SDK1: variants seen among roughly 807,000 people sequenced by gnomAD.
SDK1 encodes protein sidekick-1.
SDK1 carries 157 observed loss-of-function variants against 245.5 expected under a neutral mutation model. The observed-to-expected ratio is 0.64, with a 90% confidence interval of 0.56 to 0.73. The LOEUF (loss-of-function observed/expected upper bound fraction) is 0.73. SDK1 is among the 30% of genes least tolerant of loss of function. SDK1 has a pLI of 0.00. For synonymous variants in SDK1, 1,647 were observed against 1,278.5 expected, an observed-to-expected ratio of 1.29 and a Z score of -6.15; for missense variants, 3,583 against 3,002.3, an observed-to-expected ratio of 1.19 and a Z score of -4.52.
chr7:3,447,495 G>A (rs774913218), intron 1 of SDK1, among the ~76,000 whole-genome samples: 4 of 151,984 alleles, frequency 2.6e-5, no homozygotes, highest in Admixed American at 6.6e-5. Context: ...TGGACCATTC[G>A]CTAAGTTGCC....
chr7:3,782,981 T>C lies in SDK1; in HGVS notation c.714-38469T>C, dbSNP rs561460006. ...AGATGCAGATTTCTCAACAAAATAC[T>C]AACAAACTGAATTCAACAACACATT... On this transcript the variant is annotated intron_variant, in intron 4 of 44. Transcript: ENST00000404826. 3.9e-5 allele frequency among the ~76,000 whole-genome samples: 6 copies of C among 152,282 alleles called. No homozygotes were observed. The South Asian group carries it at 1.2e-3, about 32-fold the overall frequency.
chr7:4,027,075 A>G (rs1377684480), intron 17 of SDK1, among the ~76,000 whole-genome samples: 2 of 152,220 alleles, frequency 1.3e-5, no homozygotes, highest in Non-Finnish European at 2.9e-5. Context: ...TGCTTCTTGC[A>G]TCGTGGGGTA....
In SDK1 at chr7:4,049,379, G is replaced by A. The variant is rs139642198; in HGVS notation, c.2634G>A (p.Thr878=). 2.1e-3 allele frequency: 3,333 copies of A among 1,614,088 alleles called. 7 individuals carry two copies. Among genetic ancestry groups the A allele is most frequent in the Middle Eastern group, 3.5e-3 (21 of 6,062 alleles). The change falls in exon 18 of 45, where the codon ACG becomes ACA. Residue 878 remains threonine, a synonymous_variant. Transcript: ENST00000404826. The part of the protein sequence containing the change: ...VPTAPPQNVQ[T]EAVNSTTIQF... ...CCGCGCCCCCGCAGAACGTGCAGAC[G>A]GAAGCCGTGAACTCCACCACCATTC... is the stretch of plus-strand genomic sequence containing the variant.
intron 9 of SDK1, among the ~76,000 whole-genome samples, chr7:3,965,256 AG>A (rs1437127787): frequency 6.6e-6 from 1 of 152,076 alleles, no homozygotes; most frequent in East Asian, 1.9e-4. Context: ...TTCCAGTGAG[AG>A]ACTTAGGAAT....
chr7:4,227,939 A>G (rs1334140905), intron 40 of SDK1, among the ~76,000 whole-genome samples: 2 of 152,206 alleles, frequency 1.3e-5, no homozygotes, highest in East Asian at 3.9e-4. Flanking sequence ...TCGGCTGGAG[A>G]CAAGCATGGA....
intron 1 of SDK1, among the ~76,000 whole-genome samples, chr7:3,504,711 T>C (rs55936101): frequency 0.1 from 15,704 of 151,370 alleles, 1,171 homozygotes; most frequent in African/African-American, 0.21. Context: ...AACATTGGAG[T>C]AAATCTTCAT....
At chr7:3,939,424 G>C (rs553708615) in intron 5 of SDK1, among the ~76,000 whole-genome samples, 2 of 152,244 alleles carry the variant, frequency 1.3e-5, no homozygotes, top group Non-Finnish European at 2.9e-5. Flanking sequence ...GAAGGTGAAC[G>C]TGTGGAAGGT....
chr7:4,032,747 AAAG>A (rs1282115782), intron 17 of SDK1, among the ~76,000 whole-genome samples: 3 of 152,244 alleles, frequency 2.0e-5, no homozygotes, highest in African/African-American at 7.2e-5. Context: ...TTAGAAAAGA[AAAG>A]AAAGCTGGGG....
intron 4 of SDK1, among the ~76,000 whole-genome samples, chr7:3,750,260 A>T (rs1416625075): frequency 1.3e-5 from 2 of 152,242 alleles, no homozygotes; most frequent in Non-Finnish European, 2.9e-5. Context: ...TTTGGAGAAC[A>T]AGGACTGGGA....
At chr7:3,958,513 A>G (rs1393233291) in intron 7 of SDK1, among the ~76,000 whole-genome samples, 1 of 152,196 alleles carries the variant, frequency 6.6e-6, no homozygotes, top group East Asian at 1.9e-4. Context: ...AAATATGTTA[A>G]TAGGCTGTTG....
chr7:3,631,524 A>G (rs1161020604), intron 2 of SDK1, among the ~76,000 whole-genome samples: 3 of 152,214 alleles, frequency 2.0e-5, no homozygotes, highest in Non-Finnish European at 4.4e-5. Flanking sequence ...TTTCAACAGC[A>G]AGGACAGCAG....
At chr7:3,720,971 T>C (rs758703232) in intron 4 of SDK1, among the ~76,000 whole-genome samples, 2 of 152,242 alleles carry the variant, frequency 1.3e-5, no homozygotes, top group African/African-American at 4.8e-5. Context: ...GAGAGTTATA[T>C]TGAGTGAGAA....
chr7:3,948,648 A>T (rs888727125), intron 5 of SDK1, among the ~76,000 whole-genome samples: 1 of 152,264 alleles, frequency 6.6e-6, no homozygotes, highest in East Asian at 1.9e-4. Flanking sequence ...TGATGGATGG[A>T]TGTGTGCGGT....
chr7:3,352,680 C>CT (rs1350626516), intron 1 of SDK1, among the ~76,000 whole-genome samples: 1 of 152,138 alleles, frequency 6.6e-6, no homozygotes, highest in Non-Finnish European at 1.5e-5. Flanking sequence ...TTTACCATTC[C>CT]TTCCCATTTC....
chr7:3,330,780 T>C (rs189682647), intron 1 of SDK1, among the ~76,000 whole-genome samples: 72 of 133,182 alleles, frequency 5.4e-4, no homozygotes, highest in African/African-American at 2.0e-3. Flanking sequence ...CGAGACAATG[T>C]GGGCAACATA....
chr7:4,148,855 A>G (rs12701434), intron 29 of SDK1, among the ~76,000 whole-genome samples: 92,154 of 152,010 alleles, frequency 0.61, 28,145 homozygotes, highest in East Asian at 0.77. Flanking sequence ...CAAGAGATCA[A>G]GACCATCCTG....
chr7:4,208,260 C>T lies in SDK1; in HGVS notation c.5376C>T (p.Pro1792=). The T allele has an allele frequency of 6.2e-7, 1 of 1,613,490 alleles. No homozygotes were observed. Among genetic ancestry groups the T allele is most frequent in the East Asian group, 2.2e-5 (1 of 44,862 alleles). ...CCGGAGATGGACCTAAGAGTGACCC[C>T]CAGCAGGGGCGCACCCACCAGGCCG... ...NAAGDGPKSD[P]QQGRTHQAAP... is the part of the protein sequence containing the mutation. The change falls in exon 37 of 45, where the codon CCC becomes CCT. Residue 1792 remains proline (P), a synonymous_variant. Transcript: ENST00000404826.
In SDK1 at chr7:4,233,323, G is replaced by A; in HGVS notation, c.5896G>A (p.Asp1966Asn). ...CGCCACATCCTACACCCTCAGCCTG[G>A]ATAAGCTCCGGCAAGGAGTGACTTA... Reference protein sequence around the residue: ...RSATSYTLSLDKLRQGVTYEF... With the variant: ...RSATSYTLSLNKLRQGVTYEF... The change falls in exon 41 of 45, where the codon GAT (aspartate) becomes AAT (asparagine). Residue 1966 changes from aspartate to asparagine, a missense_variant. By Grantham distance (23) the Asp-to-Asn change is conservative (BLOSUM62 1). Coordinates refer to ENST00000404826, the MANE Select transcript of SDK1 (RefSeq NM_152744.4). The A allele has an allele frequency of 1.9e-6, 3 of 1,613,982 alleles. No individual in the cohort carries two copies. The highest frequency in any genetic ancestry group is 2.5e-6 in the Non-Finnish European group (3 of 1,180,044).
intron 2 of SDK1, among the ~76,000 whole-genome samples, chr7:3,629,489 A>G (rs969318864): frequency 6.6e-6 from 1 of 152,138 alleles, no homozygotes; most frequent in African/African-American, 2.4e-5. Context: ...CTGTGCTTAC[A>G]CAGGACTCGG....
Sources: allele counts gnomAD v4.1 joint callset (sites outside exome capture counted in the v4.1 genomes callset), GRCh38; gene constraint gnomAD v4.1.1; transcripts MANE v1.5; gene names NCBI Gene and HGNC (gene_info 2026-07-23, HGNC 2026-07-21).